Variants in USP48 observed in about 807,000 individuals in gnomAD.
USP48 encodes the protein ubiquitin specific peptidase 48.
A neutral mutation model predicts 150.7 loss-of-function variants in USP48; 43 were observed. The observed-to-expected ratio is 0.29, with a 90% CI of 0.22 to 0.37. The LOEUF is 0.37. USP48 is among the 10% of genes least tolerant of loss of function. The pLI is 1.00. For missense variants in USP48, 813 were observed against 1,249.6 expected (o/e 0.65, Z 5.27); for synonymous variants, 396 against 425.9 (o/e 0.93, Z 0.86).
In USP48 at chr1:21,721,122, C is replaced by T; in HGVS notation, c.1808G>A (p.Arg603His). The T allele has an allele frequency of 2.5e-6, 4 of 1,614,236 alleles. No homozygotes were observed. Among genetic ancestry groups the T allele is most frequent in the Non-Finnish European group, 3.4e-6 (4 of 1,180,034 alleles). Residue 603 changes from arginine to histidine, a missense_variant, in exon 14 of 27, where the codon CGC (arginine) becomes CAC (histidine). Arg to His is a conservative substitution (Grantham distance 29). Transcript: ENST00000308271. The part of the protein sequence containing the change: ...WVGKSSLRSW[R>H]QLALEQLDEQ... ...ATCCAGCTGTTCAAGAGCTAGCTGG[C>T]GCCAACTCCGCAAGGAGGACTTCCC...
At chr1:21,721,625 T>C in intron 13 of USP48, 25 bp downstream of exon 13, 1 of 1,406,768 alleles carries the variant, frequency 7.1e-7, no homozygotes, top group Non-Finnish European at 9.6e-7. Context: ...AGTTTATCAT[T>C]AACAATGTAC....
intron 14 of USP48, among the ~76,000 whole-genome samples, chr1:21,719,924 AAAT>A (rs1233186562): frequency 2.0e-5 from 3 of 152,292 alleles, no homozygotes; most frequent in Admixed American, 6.5e-5. Flanking sequence ...AAAAAATAAA[AAAT>A]AATGATACAA....
intron 1 of USP48, among the ~76,000 whole-genome samples, chr1:21,765,208 T>A (rs1054471478): frequency 6.6e-6 from 1 of 152,176 alleles, no homozygotes; most frequent in Non-Finnish European, 1.5e-5. Flanking sequence ...GACTGCACTG[T>A]ATGAGAACAC....
At chr1:21,757,992 TACCTTTAG>T (rs2097841082) in intron 1 of USP48, among the ~76,000 whole-genome samples, 1 of 152,124 alleles carries the variant, frequency 6.6e-6, no homozygotes, top group Non-Finnish European at 1.5e-5. Flanking sequence ...CATAGACAAC[TACCTTTAG>T]ACCTAGCAAT....
chr1:21,750,807 G>A (rs543845846), intron 6 of USP48, among the ~76,000 whole-genome samples: 2 of 152,008 alleles, frequency 1.3e-5, no homozygotes, highest in Admixed American at 6.6e-5. Context: ...GCTTGAATCC[G>A]GGAGGCGGAG....
intron 2 of USP48, 145 bp downstream of exon 2, chr1:21,757,518 C>T: frequency 1.3e-6 from 1 of 772,628 alleles, no homozygotes. Context: ...ATTCAAGTGG[C>T]TTAGAGTCTT....
intron 3 of USP48, among the ~76,000 whole-genome samples, chr1:21,754,738 C>T (rs1475383420): frequency 6.6e-6 from 1 of 152,152 alleles, no homozygotes; most frequent in Non-Finnish European, 1.5e-5. Flanking sequence ...CTTCACAGTA[C>T]AGTGCCTCCA....
At chr1:21,701,222 C>T (rs1219820153) in intron 22 of USP48, among the ~76,000 whole-genome samples, 1 of 151,162 alleles carries the variant, frequency 6.6e-6, no homozygotes, top group African/African-American at 2.4e-5. Context: ...AAAAATTAGC[C>T]GGGTGTGGTG....
intron 11 of USP48, among the ~76,000 whole-genome samples, chr1:21,726,935 AT>A (rs1469600343): frequency 2.0e-5 from 3 of 152,086 alleles, no homozygotes; most frequent in African/African-American, 7.2e-5. Context: ...GGAAATATAC[AT>A]TTTGGTTCAA....
At chr1:21,746,779 C>T (rs1055706806) in intron 8 of USP48, among the ~76,000 whole-genome samples, 14 of 152,162 alleles carry the variant, frequency 9.2e-5, no homozygotes, top group African/African-American at 3.1e-4. Flanking sequence ...GTGGCAAGTG[C>T]GGGTTCAGAA....
At chr1:21,707,344 A>G (rs1283232790) in intron 15 of USP48, among the ~76,000 whole-genome samples, 3 of 152,204 alleles carry the variant, frequency 2.0e-5, no homozygotes, top group Non-Finnish European at 2.9e-5. Context: ...TTAAAATAAT[A>G]TTTTGTAAGC....
chr1:21,701,431 G>C, intron 22 of USP48, 67 bp downstream of exon 22: 2 of 1,360,858 alleles, frequency 1.5e-6, no homozygotes, highest in Non-Finnish European at 2.1e-6. Context: ...CATGGCCAGG[G>C]GCTTCGAGTG....
At chr1:21,731,973 A>C (rs1284363099) in intron 9 of USP48, among the ~76,000 whole-genome samples, 1 of 152,328 alleles carries the variant, frequency 6.6e-6, no homozygotes, top group East Asian at 1.9e-4. Flanking sequence ...TCAGATGGCA[A>C]CTATAGCACA....
chr1:21,701,419 G>T, intron 22 of USP48, 79 bp downstream of exon 22: 1 of 1,161,800 alleles, frequency 8.6e-7, no homozygotes, highest in Non-Finnish European at 1.3e-6. Context: ...AGGGTACAGA[G>T]ACATGGCCAG....
intron 15 of USP48, 64 bp from the exon 16 acceptor site, chr1:21,706,932 C>A: frequency 6.6e-7 from 1 of 1,523,752 alleles, no homozygotes. Flanking sequence ...TTATCTATTT[C>A]CTATTTCTTA....
At chr1:21,731,891 A>AAATGCTAACAACCAGAAACATTAGCCACT (rs2097757798) in intron 9 of USP48, among the ~76,000 whole-genome samples, 1 of 152,010 alleles carries the variant, frequency 6.6e-6, no homozygotes, top group Non-Finnish European at 1.5e-5. Flanking sequence ...AAAAGGAATG[A>AAATGCTAACAACCAGAAACATTAGCCACT]AATGCTAACA....
chr1:21,759,954 T>G (rs1157143278), intron 1 of USP48, among the ~76,000 whole-genome samples: 5 of 152,176 alleles, frequency 3.3e-5, no homozygotes, highest in Admixed American at 6.5e-5. Context: ...AAGGGAAAGA[T>G]AATAACTTTC....
At chr1:21,780,173 T>C (rs753105745) in intron 1 of USP48, among the ~76,000 whole-genome samples, 9 of 152,148 alleles carry the variant, frequency 5.9e-5, no homozygotes, top group Non-Finnish European at 1.0e-4. Flanking sequence ...CCTCAACTGA[T>C]GAATAGATAT....
intron 22 of USP48, among the ~76,000 whole-genome samples, chr1:21,696,534 T>C (rs1334264813): frequency 6.6e-6 from 1 of 152,176 alleles, no homozygotes; most frequent in African/African-American, 2.4e-5. Context: ...CATATCCTAA[T>C]TACATACTGA....
Sources: allele counts gnomAD v4.1 joint callset (sites outside exome capture counted in the v4.1 genomes callset), GRCh38; gene constraint gnomAD v4.1.1; transcripts MANE v1.5; gene names NCBI Gene and HGNC (gene_info 2026-07-23, HGNC 2026-07-21).